SEPTIN8: variants seen among roughly 807,000 people sequenced by gnomAD.
SEPTIN8 encodes the protein septin 8.
In SEPTIN8, 22 loss-of-function variants were observed where a neutral mutation model predicts 53.1. That is an observed-to-expected ratio of 0.41 (90% CI 0.30 to 0.59). The LOEUF (loss-of-function observed/expected upper bound fraction) is 0.59. SEPTIN8 is among the 20% of genes least tolerant of loss of function. SEPTIN8 has a pLI of 0.24. For missense variants in SEPTIN8, 536 were observed against 638.7 expected, an observed-to-expected ratio of 0.84 and a Z score of 1.73; for synonymous variants, 228 against 248.4, an observed-to-expected ratio of 0.92 and a Z score of 0.77.
chr5:132,757,451 G>C, intron 9 of SEPTIN8: 2 of 985,454 alleles, frequency 2.0e-6, no homozygotes, highest in Non-Finnish European at 2.4e-6. Context: ...ATGCAAGCCA[G>C]ACAGAAAGGG....
intron 9 of SEPTIN8, chr5:132,754,623 C>G: frequency 1.5e-6 from 1 of 653,862 alleles, no homozygotes; most frequent in South Asian, 1.7e-5. Flanking sequence ...TATAGGGAAG[C>G]TCACTTTTGT....
intron 9 of SEPTIN8, chr5:132,758,712 C>G (rs1045497345): frequency 1.2e-6 from 2 of 1,608,166 alleles, no homozygotes; most frequent in Admixed American, 1.7e-5. Context: ...TACCGGCTCC[C>G]AGTCCGTCCT....
intron 1 of SEPTIN8, among the ~76,000 whole-genome samples, chr5:132,771,732 G>A (rs1757338582): frequency 6.6e-6 from 1 of 152,210 alleles, no homozygotes; most frequent in Non-Finnish European, 1.5e-5. Flanking sequence ...AGAACCCGTG[G>A]TCGCGGTCAT....
intron 9 of SEPTIN8, 125 bp from the exon 10 acceptor site, chr5:132,752,306 G>A: frequency 7.8e-7 from 1 of 1,279,434 alleles, no homozygotes; most frequent in Non-Finnish European, 1.1e-6. Context: ...AAAATGTTCT[G>A]GCCATAACCC....
At position 132,762,524 on chromosome 5, in the gene SEPTIN8, G is replaced by A. The variant is rs772681587; in HGVS notation, c.656C>T (p.Thr219Met). 2.2e-5 allele frequency: 35 copies of A among 1,614,090 alleles called. No homozygotes were observed. Among genetic ancestry groups the A allele is most frequent in the Non-Finnish European group, 2.6e-5 (31 of 1,180,030 alleles). Residue 219 changes from threonine (T) to methionine (M), a missense_variant, in exon 5 of 10, where the codon ACG (threonine) becomes ATG (methionine). Physicochemically the swap from Thr to Met is moderately conservative, Grantham distance 81. Transcript: ENST00000378719. ...SNGVQIYQFPTDDEAVAEINA... is the reference protein window; with the variant it reads ...SNGVQIYQFPMDDEAVAEINA... ...AATCTCTGCAACAGCCTCATCATCC[G>A]TGGGGAACTGGTAGATCTGGACCCC... is the stretch of plus-strand genomic sequence containing the variant.
intron 9 of SEPTIN8, among the ~76,000 whole-genome samples, chr5:132,754,916 A>C (rs897219668): frequency 1.3e-5 from 2 of 152,230 alleles, no homozygotes; most frequent in African/African-American, 4.8e-5. Flanking sequence ...TGGCAGAAAG[A>C]AAGGTAGGTG....
upstream of SEPTIN8, among the ~76,000 whole-genome samples, chr5:132,779,988 G>A (rs559546998): frequency 6.6e-6 from 1 of 152,156 alleles, no homozygotes; most frequent in Non-Finnish European, 1.5e-5. Flanking sequence ...GACTCTCTAC[G>A]CACACTTTCT....
intron 4 of SEPTIN8, among the ~76,000 whole-genome samples, chr5:132,763,316 G>T (rs1333570572): frequency 1.3e-5 from 2 of 152,218 alleles, no homozygotes; most frequent in Admixed American, 1.3e-4. Flanking sequence ...GAGGAAGGGG[G>T]AAGTGAAAGG....
Position 132,761,471 on chromosome 5 carries a change from T to C in SEPTIN8, c.949A>G (p.Ser317Gly). Residue 317 changes from serine to glycine, a missense_variant, in exon 7 of 10, where the codon AGC (serine) becomes GGC (glycine). Physicochemically the swap from Ser to Gly is moderately conservative, Grantham distance 56 (BLOSUM62 0). Coordinates refer to ENST00000378719, the MANE Select transcript of SEPTIN8 (RefSeq NM_001098811.2). This position sits in a 1 kb window ranked among gnomAD's most constrained non-coding sequence, Gnocchi z 5.8. ...TCAGGCTGTCACCTGAAGGGCTGGC[T>C]GTCACCATCGCTGTCCTGAAAGCCC... Reference protein sequence around the residue: ...EMGFQDSDGDSQPFSLQETYE... With the variant: ...EMGFQDSDGDGQPFSLQETYE... The C allele has an allele frequency of 6.2e-7, 1 of 1,611,802 alleles. No individual in the cohort carries two copies. Among genetic ancestry groups the C allele is most frequent in the Non-Finnish European group, 8.5e-7 (1 of 1,179,570 alleles).
intron 9 of SEPTIN8, chr5:132,758,761 CA>C: frequency 6.2e-7 from 1 of 1,614,024 alleles, no homozygotes; most frequent in East Asian, 2.2e-5. Context: ...AGGTGTAACT[CA>C]AGCAACTTAA....
At chr5:132,775,565 GT>G (rs1757713283) in intron 1 of SEPTIN8, among the ~76,000 whole-genome samples, 1 of 152,168 alleles carries the variant, frequency 6.6e-6, no homozygotes, top group Non-Finnish European at 1.5e-5. Flanking sequence ...AACAAGGAGT[GT>G]CTAGGATTCC....
chr5:132,750,897 C>CT lies in SEPTIN8; in HGVS notation c.*1118dup. The CT allele has an allele frequency of 6.2e-7, 1 of 1,614,272 alleles. No individual in the cohort carries two copies. The highest frequency in any genetic ancestry group is 8.5e-7 in the Non-Finnish European group (1 of 1,180,042). On this transcript the variant is annotated 3_prime_UTR_variant, in exon 10 of 10. Coordinates refer to ENST00000378719, the MANE Select transcript of SEPTIN8 (RefSeq NM_001098811.2). ...AAAGACTTCACAAAGCACTATGGCT[C>CT]TGACTATTCCCCGAATGAGCTGCTG...
In SEPTIN8 at chr5:132,761,538, G is replaced by C. The variant is rs765760669; in HGVS notation, c.882C>G (p.Ser294Arg). Residue 294 changes from serine to arginine, a missense_variant, in exon 7 of 10, where the codon AGC (serine) becomes AGG (arginine). Ser to Arg is a moderately radical substitution (Grantham distance 110). This residue lies in a region of SEPTIN8 where 395 missense variants were observed against 451.8 expected (regional missense o/e 0.87). Transcript: ENST00000378719. The surrounding 1 kb of genome is among the most constrained non-coding windows in gnomAD (Gnocchi z 5.8). ...AGCGCCGGTAGAGCTCGTAGTGCCG[G>C]CTGTGGGTCTGCTCGCGGAGGTCTT... Reference protein sequence around the residue: ...NMEDLREQTHSRHYELYRRCK... With the variant: ...NMEDLREQTHRRHYELYRRCK... 3.1e-6 allele frequency: 5 copies of C among 1,613,754 alleles called. No individual in the cohort carries two copies. The South Asian group carries it at 4.4e-5, about 14-fold the overall frequency.
intron 9 of SEPTIN8, chr5:132,758,215 A>C: frequency 1.6e-6 from 2 of 1,222,034 alleles, no homozygotes; most frequent in Admixed American, 3.9e-5. Context: ...AGAAAGGTTT[A>C]GCTGTATTTT....
chr5:132,752,192 C>G lies in SEPTIN8; in HGVS notation c.1287-11G>C. On this transcript the variant is annotated splice_polypyrimidine_tract_variant and intron_variant, in intron 9 of 9. Coordinates refer to ENST00000378719, the MANE Select transcript of SEPTIN8 (RefSeq NM_001098811.2). Reference sequence around the variant, plus strand: ...CCTATATCTGATCTGCTAAAGAAAGCACAGGTAGACATCAACTTTGCCCCA... The same window carrying G: ...CCTATATCTGATCTGCTAAAGAAAGGACAGGTAGACATCAACTTTGCCCCA... 6.4e-7 allele frequency: 1 copy of G among 1,568,748 alleles called. No homozygotes were observed. The highest frequency in any genetic ancestry group is 2.3e-5 in the East Asian group (1 of 43,454).
chr5:132,752,284 T>C, intron 9 of SEPTIN8, 103 bp from the exon 10 acceptor site: 1 of 1,389,100 alleles, frequency 7.2e-7, no homozygotes, highest in Non-Finnish European at 9.6e-7. Flanking sequence ...CCTTTGCCCT[T>C]GTAGCCTCTG....
chr5:132,776,439 G>A lies in SEPTIN8; in HGVS notation c.30+669C>T, dbSNP rs1375494344. Among the ~76,000 whole-genome samples the A allele has an allele frequency of 6.6e-6, 1 of 152,228 alleles. No individual in the cohort carries two copies. The highest frequency in any genetic ancestry group is 2.4e-5 in the African/African-American group (1 of 41,460). On this transcript the variant is annotated intron_variant, in intron 1 of 9. Coordinates refer to ENST00000378719, the MANE Select transcript of SEPTIN8 (RefSeq NM_001098811.2). The surrounding 1 kb of genome is among the most constrained non-coding windows in gnomAD (Gnocchi z 4.4). ...ATCAACCTTCTGAGGACCTGGACTGGAGCCCAAATAAACGCCCACTGGGCT... is the reference window on the plus strand; with the variant it reads ...ATCAACCTTCTGAGGACCTGGACTGAAGCCCAAATAAACGCCCACTGGGCT...
chr5:132,761,741 G>A lies in SEPTIN8; in HGVS notation c.793+59C>T. On this transcript the variant is annotated intron_variant, in intron 6 of 9. Transcript: ENST00000378719. The surrounding 1 kb of genome is among the most constrained non-coding windows in gnomAD (Gnocchi z 5.8). ...GAAACAGCACAGGGTACTACAGGCA[G>A]CAGGGCAGGCCAGGGAACTCAGTTC... is the stretch of plus-strand genomic sequence containing the variant. 1.3e-6 allele frequency: 2 copies of A among 1,580,814 alleles called. No individual in the cohort carries two copies. Among genetic ancestry groups the A allele is most frequent in the African/African-American group, 1.3e-5 (1 of 74,568 alleles).
chr5:132,762,540 T>C lies in SEPTIN8; in HGVS notation c.640A>G (p.Ile214Val). 6.2e-7 allele frequency: 1 copy of C among 1,614,206 alleles called. No individual in the cohort carries two copies. The highest frequency in any genetic ancestry group is 8.5e-7 in the Non-Finnish European group (1 of 1,180,012). The change falls in exon 5 of 10, where the codon ATC (isoleucine) becomes GTC (valine). Residue 214 changes from isoleucine (I) to valine (V), a missense_variant. Ile to Val is a conservative substitution (Grantham distance 29). Around this residue, in one of 3 missense-constraint regions of SEPTIN8, gnomAD observed 395 missense variants for 451.8 expected, o/e 0.87. Transcript: ENST00000378719. ...TCATCATCCGTGGGGAACTGGTAGA[T>C]CTGGACCCCGTTGCTGACCAACTCG... ...MGELVSNGVQIYQFPTDDEAV... is the reference protein window; with the variant it reads ...MGELVSNGVQVYQFPTDDEAV...
Sources: allele counts gnomAD v4.1 joint callset (sites outside exome capture counted in the v4.1 genomes callset), GRCh38; gene constraint gnomAD v4.1.1; regional missense constraint gnomAD v4.1.1; non-coding constraint Gnocchi (gnomAD v3.1); transcripts MANE v1.5; gene names NCBI Gene and HGNC (gene_info 2026-07-23, HGNC 2026-07-21).